The following PREX2 variants were observed in gnomAD, a reference collection of about 807,000 sequenced individuals.
The protein encoded by PREX2 is phosphatidylinositol 3,4,5-trisphosphate-dependent Rac exchanger 2 protein.
In PREX2, 107 loss-of-function variants were observed where a neutral mutation model predicts 203.2. The ratio of observed to expected loss-of-function variants is 0.53; its 90% CI spans 0.45 to 0.62. The LOEUF is 0.62. Ranked by LOEUF, PREX2 falls within the 20% of genes least tolerant of loss-of-function variation. The pLI, the probability that PREX2 is intolerant of heterozygous loss-of-function variation, is 0.00. For synonymous variants in PREX2, 672 were observed against 663.6 expected (o/e 1.01, Z -0.19); for missense variants, 1,777 against 1,955.9 (o/e 0.91, Z 1.72).
In PREX2 at chr8:68,087,584, C is replaced by T. The variant is rs1352805112; in HGVS notation, c.2028-140C>T. ...TGAGGTTGGGGACCATGTTCGTCTC[C>T]AAGGATTTCTAGCCCAACATCTTTC... On this transcript the variant is annotated intron_variant, in intron 18 of 39. Coordinates refer to ENST00000288368, the MANE Select transcript of PREX2 (RefSeq NM_024870.4). 10 of 698,298 alleles carry T rather than the reference C, an allele frequency of 1.4e-5. No individual in the cohort carries two copies. In the East Asian group the frequency reaches 2.7e-4, roughly 19 times the overall value. The allele number at this position is 698,298 out of a possible 1,614,324, so 43.3% of individuals were successfully genotyped here. A position where few individuals can be genotyped will look rare whatever the true frequency, so the allele number is the denominator to read the frequency against.
At position 68,080,801 on chromosome 8, in the gene PREX2, C is replaced by T; in HGVS notation, c.1841C>T (p.Pro614Leu). The T allele has an allele frequency of 6.4e-7, 1 of 1,559,428 alleles. No individual in the cohort carries two copies. ...GGATTAGAAGACAAAAATAAAGTTC[C>T]AATAATAAAGTTGGTAGAAAAGGGA... ...GFGLEDKNKV[P>L]IIKLVEKGSN... The change falls in exon 17 of 40, where the codon CCA (proline) becomes CTA (leucine). Residue 614 changes from proline (P) to leucine (L), a missense_variant. Pro to Leu is a moderately conservative substitution (Grantham distance 98, BLOSUM62 -3). Coordinates refer to ENST00000288368, the MANE Select transcript of PREX2 (RefSeq NM_024870.4).
chr8:68,178,615 T>G (rs550800340), intron 35 of PREX2, among the ~76,000 whole-genome samples: 8 of 152,284 alleles, frequency 5.3e-5, no homozygotes, highest in African/African-American at 1.9e-4. Context: ...TTCCATGTAT[T>G]TTAATAAACA....
At chr8:68,135,135 T>C (rs1443288070) in intron 32 of PREX2, among the ~76,000 whole-genome samples, 2 of 95,692 alleles carry the variant, frequency 2.1e-5, no homozygotes, top group Non-Finnish European at 2.5e-5. Context: ...GAATTACATA[T>C]GATAGGAAGC....
intron 23 of PREX2, chr8:68,106,157 A>G (rs1810406109): frequency 5.9e-6 from 2 of 341,724 alleles, no homozygotes. Flanking sequence ...AAATGGAAGA[A>G]GGCAAGAGAA....
intron 14 of PREX2, among the ~76,000 whole-genome samples, chr8:68,074,913 T>A (rs1157976478): frequency 1.3e-5 from 2 of 152,224 alleles, no homozygotes; most frequent in African/African-American, 4.8e-5. Flanking sequence ...AGTGTTGTGT[T>A]CTTCTGAGTA....
intron 33 of PREX2, among the ~76,000 whole-genome samples, chr8:68,141,864 A>G (rs1811237164): frequency 6.6e-6 from 1 of 152,216 alleles, no homozygotes; most frequent in African/African-American, 2.4e-5. Context: ...TTTAAATATT[A>G]TATAGTCCTA....
Position 68,233,294 on chromosome 8 carries a change from C to G in PREX2, c.*1916C>G, listed in dbSNP as rs1054334798. The G allele has an allele frequency of 6.6e-6, 1 of 152,166 alleles. No individual in the cohort carries two copies. The highest frequency in any genetic ancestry group is 1.5e-5 in the Non-Finnish European group (1 of 68,030). The allele number at this position is 152,166 out of a possible 1,614,324, so 9.4% of individuals were successfully genotyped here. A position where few individuals can be genotyped will look rare whatever the true frequency, so the allele number is the denominator to read the frequency against. ...ATTGTCATGACTGTTTTCTCATCAC[C>G]ATCCTGGAAGCAGTAATCCTCATTA... On this transcript the variant is annotated 3_prime_UTR_variant, in exon 40 of 40. Coordinates refer to ENST00000288368, the MANE Select transcript of PREX2 (RefSeq NM_024870.4).
intron 6 of PREX2, among the ~76,000 whole-genome samples, chr8:68,037,268 G>A (rs977704865): frequency 2.0e-5 from 3 of 152,146 alleles, no homozygotes; most frequent in African/African-American, 7.2e-5. Context: ...GTCTCTTGCA[G>A]AGCACACATA....
intron 31 of PREX2, among the ~76,000 whole-genome samples, chr8:68,131,358 A>T (rs1811006024): frequency 1.3e-5 from 2 of 152,222 alleles, no homozygotes; most frequent in African/African-American, 4.8e-5. Flanking sequence ...CGAACAATTC[A>T]TCTACTCTCT....
rs773476490 is a variant in PREX2, at chr8:68,022,048, C to T, written c.349C>T (p.Arg117Cys). 7.5e-6 allele frequency: 11 copies of T among 1,476,082 alleles called. No homozygotes were observed. The highest frequency in any genetic ancestry group is 2.8e-5 in the African/African-American group (2 of 72,302). 91.4% of individuals were successfully genotyped at this position (1,476,082 alleles called of 1,614,324 possible). Residue 117 changes from arginine to cysteine, a missense_variant, in exon 4 of 40, where the codon CGT (arginine) becomes TGT (cysteine). By Grantham distance (180) the Arg-to-Cys change is radical. Transcript: ENST00000288368. ...TCFLHFKDKF[R>C]IYDEYCSNHE... Reference sequence around the variant, plus strand: ...CATGAATTCACAGAAAGACAAGTTTCGTATCTATGATGAATATTGTAGTAA... The same window carrying T: ...CATGAATTCACAGAAAGACAAGTTTTGTATCTATGATGAATATTGTAGTAA...
chr8:67,985,343 A>G (rs1037440948), intron 1 of PREX2, among the ~76,000 whole-genome samples: 1 of 151,142 alleles, frequency 6.6e-6, no homozygotes, highest in Non-Finnish European at 1.5e-5. Context: ...TGTTTCTTAT[A>G]ATTTTTTTGA....
intron 35 of PREX2, among the ~76,000 whole-genome samples, chr8:68,179,626 G>A (rs1474985062): frequency 1.3e-5 from 2 of 152,082 alleles, no homozygotes; most frequent in African/African-American, 4.8e-5. Context: ...AGGCAAAGAA[G>A]GACACGCCCC....
At chr8:68,184,762 A>G (rs1812156036) in intron 35 of PREX2, among the ~76,000 whole-genome samples, 1 of 152,120 alleles carries the variant, frequency 6.6e-6, no homozygotes, top group Admixed American at 6.6e-5. Flanking sequence ...GGGGGGAAAA[A>G]GTTTGCCAGA....
At chr8:68,174,828 A>G (rs1486718018) in intron 35 of PREX2, among the ~76,000 whole-genome samples, 1 of 152,222 alleles carries the variant, frequency 6.6e-6, no homozygotes. Context: ...GACACAAGAT[A>G]TAAACAGAGG....
At chr8:68,120,337 T>A in intron 29 of PREX2, 51 bp downstream of exon 29, 1 of 1,219,816 alleles carries the variant, frequency 8.2e-7, no homozygotes, top group Non-Finnish European at 1.2e-6. Context: ...AACAAGGTGG[T>A]AGACAATATA....
intron 31 of PREX2, among the ~76,000 whole-genome samples, chr8:68,132,780 G>A (rs2129613374): frequency 6.6e-6 from 1 of 152,172 alleles, no homozygotes. Flanking sequence ...TTGAGAGGAG[G>A]TTATTTTTCC....
At chr8:68,140,629 G>T (rs921298600) in intron 33 of PREX2, among the ~76,000 whole-genome samples, 11 of 152,164 alleles carry the variant, frequency 7.2e-5, no homozygotes, top group Non-Finnish European at 1.2e-4. Context: ...AAGGTGTAAA[G>T]ACACCATTGG....
At chr8:68,028,886 G>A (rs2129610459) in intron 5 of PREX2, among the ~76,000 whole-genome samples, 1 of 152,134 alleles carries the variant, frequency 6.6e-6, no homozygotes, top group East Asian at 1.9e-4. Context: ...CCAAAAGAAA[G>A]CATCGTGGAT....
chr8:68,086,029 G>C (rs779635280), intron 18 of PREX2, among the ~76,000 whole-genome samples: 2 of 151,714 alleles, frequency 1.3e-5, no homozygotes, highest in Non-Finnish European at 2.9e-5. Context: ...TTCTTTCTTT[G>C]GTCAGTTATC....
Sources: gnomAD v4.1 joint callset for allele counts (sites outside exome capture counted in the v4.1 genomes callset) on GRCh38, gnomAD v4.1.1 for gene constraint, MANE v1.5 for transcripts, NCBI Gene and HGNC (gene_info 2026-07-23, HGNC 2026-07-21) for gene names.